SCG5: variants seen among roughly 807,000 people sequenced by gnomAD.
SCG5 encodes the protein secretogranin V.
A neutral mutation model predicts 25.7 loss-of-function variants in SCG5; 18 were observed. That is an observed-to-expected ratio of 0.70 (90% CI 0.48 to 1.04). The LOEUF (loss-of-function observed/expected upper bound fraction) is 1.04. SCG5 is among the 50% of genes least tolerant of loss of function. SCG5 has a pLI of 0.00. For synonymous variants in SCG5, 101 were observed against 91.7 expected, an observed-to-expected ratio of 1.10 and a Z score of -0.58; for missense variants, 206 against 259.8, an observed-to-expected ratio of 0.79 and a Z score of 1.42.
At chr15:32,696,000 A>T (rs559708063) in intron 5 of SCG5, among the ~76,000 whole-genome samples, 9 of 152,332 alleles carry the variant, frequency 5.9e-5, no homozygotes, top group African/African-American at 2.2e-4. Context: ...CAGTCAGAAA[A>T]TGTTTCATAG....
chr15:32,660,963 A>G (rs1174016716), intron 2 of SCG5, among the ~76,000 whole-genome samples: 3 of 152,268 alleles, frequency 2.0e-5, no homozygotes, highest in African/African-American at 4.8e-5. Context: ...TATTCTTTCT[A>G]TAACTGCAAA....
intron 2 of SCG5, among the ~76,000 whole-genome samples, chr15:32,657,217 G>GTATATATA: frequency 5.4e-5 from 1 of 18,516 alleles, no homozygotes; most frequent in African/African-American, 1.4e-4. Flanking sequence ...ATATATGTAT[G>GTATATATA]TATTTCCAGG....
At chr15:32,651,286 G>T (rs908453576) in intron 2 of SCG5, among the ~76,000 whole-genome samples, 2 of 152,204 alleles carry the variant, frequency 1.3e-5, no homozygotes, top group South Asian at 2.1e-4. Context: ...GAGACCCAAG[G>T]TTATTTTCTT....
At chr15:32,678,510 A>G (rs1306139362) in intron 2 of SCG5, among the ~76,000 whole-genome samples, 1 of 152,230 alleles carries the variant, frequency 6.6e-6, no homozygotes, top group African/African-American at 2.4e-5. Flanking sequence ...AGCAAAGAAA[A>G]TCTAAAAATT....
At chr15:32,692,043 T>C in intron 5 of SCG5, 2 of 1,326,548 alleles carry the variant, frequency 1.5e-6, no homozygotes, top group South Asian at 2.1e-5. Context: ...GCTTCCCCCA[T>C]CAGTGTGGGA....
chr15:32,690,527 C>T (rs1204657421), intron 4 of SCG5, among the ~76,000 whole-genome samples: 1 of 152,188 alleles, frequency 6.6e-6, no homozygotes, highest in East Asian at 1.9e-4. Context: ...CCCAAGTGAG[C>T]AGGAGATAGA....
chr15:32,671,715 A>C (rs1452085380), intron 2 of SCG5, among the ~76,000 whole-genome samples: 1 of 152,010 alleles, frequency 6.6e-6, no homozygotes, highest in Non-Finnish European at 1.5e-5. Flanking sequence ...AAAAAAAGAA[A>C]AAACAACTTT....
intron 4 of SCG5, among the ~76,000 whole-genome samples, chr15:32,684,970 G>A (rs956614064): frequency 1.2e-4 from 19 of 152,030 alleles, no homozygotes; most frequent in Admixed American, 3.9e-4. Flanking sequence ...TTTCACCAGT[G>A]TTTCATGCAT....
chr15:32,665,005 A>G (rs2054295718), intron 2 of SCG5, among the ~76,000 whole-genome samples: 1 of 152,160 alleles, frequency 6.6e-6, no homozygotes, highest in Non-Finnish European at 1.5e-5. Flanking sequence ...TCTTGTAGTC[A>G]TTCTTCTCCC....
At chr15:32,677,828 C>T (rs1267804657) in intron 2 of SCG5, 1 of 151,998 alleles carries the variant, frequency 6.6e-6, no homozygotes, top group Non-Finnish European at 1.5e-5. Context: ...GTTAAGGCTA[C>T]AAGGAAAGAA....
intron 2 of SCG5, among the ~76,000 whole-genome samples, chr15:32,650,973 G>A (rs772548879): frequency 6.6e-5 from 10 of 152,128 alleles, no homozygotes; most frequent in Admixed American, 1.3e-4. Context: ...CGAGGCGGGC[G>A]GATCACCTGA....
intron 2 of SCG5, among the ~76,000 whole-genome samples, chr15:32,661,396 G>A (rs2054215314): frequency 6.6e-6 from 1 of 152,180 alleles, no homozygotes; most frequent in Admixed American, 6.5e-5. Context: ...GAGGCGGGCG[G>A]ATCACCTGAG....
rs768861953 is a variant in SCG5, at chr15:32,696,555, T to A, written c.585T>A (p.Val195=). The A allele has an allele frequency of 2.5e-6, 4 of 1,613,278 alleles. No homozygotes were observed. Among genetic ancestry groups the A allele is most frequent in the Non-Finnish European group, 3.4e-6 (4 of 1,179,574 alleles). ...TACAAGGACAGAGACTGGATAATGTTGTTGCAAAGAAGTCTGTCCCCCATT... is the reference window on the plus strand; with the variant it reads ...TACAAGGACAGAGACTGGATAATGTAGTTGCAAAGAAGTCTGTCCCCCATT... The part of the protein sequence containing the change: ...PYLQGQRLDN[V]VAKKSVPHFS... The change falls in exon 6 of 6, where the codon GTT becomes GTA. Residue 195 remains valine, a synonymous_variant. Coordinates refer to ENST00000300175, the MANE Select transcript of SCG5 (RefSeq NM_001144757.3).
At chr15:32,650,906 A>G (rs1485874974) in intron 2 of SCG5, among the ~76,000 whole-genome samples, 1 of 152,202 alleles carries the variant, frequency 6.6e-6, no homozygotes, top group Non-Finnish European at 1.5e-5. Flanking sequence ...ACATTAAAAT[A>G]CCCACGTTCT....
chr15:32,653,852 T>C (rs2054072148), intron 2 of SCG5, among the ~76,000 whole-genome samples: 1 of 152,164 alleles, frequency 6.6e-6, no homozygotes, highest in South Asian at 2.1e-4. Context: ...CACAACTGGG[T>C]ACTATAACTT....
intron 3 of SCG5, among the ~76,000 whole-genome samples, chr15:32,680,411 G>A (rs1324234289): frequency 6.6e-6 from 1 of 151,902 alleles, no homozygotes; most frequent in East Asian, 1.9e-4. Context: ...TGTTAGCCAG[G>A]ATGGTCTCAA....
intron 2 of SCG5, among the ~76,000 whole-genome samples, chr15:32,670,092 T>G (rs1811933874): frequency 6.6e-6 from 1 of 152,226 alleles, no homozygotes; most frequent in Non-Finnish European, 1.5e-5. Flanking sequence ...TAATGTTGGC[T>G]TTGGTCCCCA....
At chr15:32,650,199 G>A (rs2054011864) in intron 2 of SCG5, among the ~76,000 whole-genome samples, 1 of 152,196 alleles carries the variant, frequency 6.6e-6, no homozygotes, top group South Asian at 2.1e-4. Flanking sequence ...CCAGGTTCAT[G>A]CCATTCTCCT....
At chr15:32,660,107 T>C (rs561302456) in intron 2 of SCG5, among the ~76,000 whole-genome samples, 22 of 152,282 alleles carry the variant, frequency 1.4e-4, no homozygotes, top group African/African-American at 5.3e-4. Context: ...GGTCAGTGAA[T>C]AGAATTTTTG....
Sources: gnomAD v4.1 joint callset for allele counts (sites outside exome capture counted in the v4.1 genomes callset) on GRCh38, gnomAD v4.1.1 for gene constraint, MANE v1.5 for transcripts, NCBI Gene and HGNC (gene_info 2026-07-23, HGNC 2026-07-21) for gene names.